The following OPRM1 variants were observed in gnomAD, a reference collection of about 807,000 sequenced individuals.
The protein encoded by OPRM1 is mu-type opioid receptor.
A neutral mutation model predicts 31.8 loss-of-function variants in OPRM1; 27 were observed. The ratio of observed to expected loss-of-function variants is 0.85; its 90% CI spans 0.63 to 1.17. The LOEUF (loss-of-function observed/expected upper bound fraction) is 1.17. Among genes scored for constraint, OPRM1 ranks in the 50% most tolerant of loss-of-function variants. The pLI, the probability that OPRM1 is intolerant of heterozygous loss-of-function variation, is 0.00. For synonymous variants in OPRM1, 196 were observed against 189.9 expected (o/e 1.03, Z -0.26); for missense variants, 536 against 511.1 (o/e 1.05, Z -0.47).
At chr6:154,239,462 TC>T (rs1780401924) in intron 3 of OPRM1, among the ~76,000 whole-genome samples, 2 of 152,192 alleles carry the variant, frequency 1.3e-5, no homozygotes, top group African/African-American at 2.4e-5. Context: ...AAGAAAGTCC[TC>T]AATCATTCTA....
chr6:154,107,857 A>G (rs1443393799), intron 3 of OPRM1: 2 of 699,666 alleles, frequency 2.9e-6, no homozygotes, highest in East Asian at 2.7e-5. Flanking sequence ...CAACACAGAA[A>G]AACGACCTCA....
chr6:154,091,566 A>C (rs774702812), intron 3 of OPRM1, 94 bp downstream of exon 3: 1 of 1,471,646 alleles, frequency 6.8e-7, no homozygotes, highest in Non-Finnish European at 8.9e-7. Flanking sequence ...ATTATAGAGG[A>C]TGAGAATGGA....
chr6:154,082,441 A>T (rs1789386193), intron 1 of OPRM1, among the ~76,000 whole-genome samples: 1 of 152,222 alleles, frequency 6.6e-6, no homozygotes, highest in African/African-American at 2.4e-5. Context: ...TTTTACTAGT[A>T]GTCTAAACTT....
chr6:154,107,803 G>A, intron 3 of OPRM1: 3 of 718,250 alleles, frequency 4.2e-6, no homozygotes, highest in Non-Finnish European at 7.8e-6. Context: ...TGAAAAGGGG[G>A]CTTACAGGTG....
intron 1 of OPRM1, among the ~76,000 whole-genome samples, chr6:154,072,459 T>C (rs1438915297): frequency 6.6e-6 from 1 of 152,220 alleles, no homozygotes; most frequent in Non-Finnish European, 1.5e-5. Context: ...TAGCACAAGA[T>C]TTGCTTTTAT....
chr6:154,100,246 G>T (rs1794596448), intron 3 of OPRM1, among the ~76,000 whole-genome samples: 7 of 146,692 alleles, frequency 4.8e-5, no homozygotes, highest in East Asian at 1.9e-4. Flanking sequence ...ATCATATTAT[G>T]ACATATATCA....
intron 3 of OPRM1, chr6:154,222,947 T>C: frequency 1.7e-6 from 1 of 572,314 alleles, no homozygotes. Context: ...ATGCCAAGAC[T>C]TCGTGGGGGT....
intron 3 of OPRM1, among the ~76,000 whole-genome samples, chr6:154,163,552 T>A (rs1285415504): frequency 6.6e-6 from 1 of 152,218 alleles, no homozygotes; most frequent in Non-Finnish European, 1.5e-5. Context: ...TACTAAAACA[T>A]AAGCTTCCGG....
chr6:154,185,672 G>C (rs1801276612), intron 3 of OPRM1, among the ~76,000 whole-genome samples: 1 of 151,952 alleles, frequency 6.6e-6, no homozygotes, highest in South Asian at 2.1e-4. Flanking sequence ...TTTTAATCCG[G>C]GGGTGTCCAA....
chr6:154,052,451 C>T (rs964812542), intron 1 of OPRM1, among the ~76,000 whole-genome samples: 2 of 152,232 alleles, frequency 1.3e-5, no homozygotes, highest in Non-Finnish European at 2.9e-5. Context: ...ATAGACAACA[C>T]ATAGATGAAT....
At chr6:154,167,034 A>AG (rs1799495776) in intron 3 of OPRM1, among the ~76,000 whole-genome samples, 1 of 152,214 alleles carries the variant, frequency 6.6e-6, no homozygotes. Flanking sequence ...GGGACGCCTA[A>AG]GAGCCACTCA....
intron 1 of OPRM1, among the ~76,000 whole-genome samples, chr6:154,042,657 A>AATGAGATTCTTAAACAGGGCT (rs1392546717): frequency 1.3e-5 from 2 of 152,156 alleles, no homozygotes; most frequent in Admixed American, 1.3e-4. Flanking sequence ...GTATAACTTA[A>AATGAGATTCTTAAACAGGGCT]ATGAGATTCT....
At chr6:154,239,183 G>T (rs1780379847) in intron 3 of OPRM1, among the ~76,000 whole-genome samples, 1 of 152,064 alleles carries the variant, frequency 6.6e-6, no homozygotes, top group African/African-American at 2.4e-5. Flanking sequence ...AGTTTGGAAA[G>T]AATTTAAAGG....
At chr6:154,195,903 T>C (rs1016706166) in intron 3 of OPRM1, among the ~76,000 whole-genome samples, 1 of 151,750 alleles carries the variant, frequency 6.6e-6, no homozygotes, top group African/African-American at 2.4e-5. Flanking sequence ...GCAATTCTCC[T>C]GCCTCAGCCT....
At chr6:154,026,706 C>A (rs1349512212) in intron 1 of OPRM1, among the ~76,000 whole-genome samples, 1 of 152,116 alleles carries the variant, frequency 6.6e-6, no homozygotes, top group Non-Finnish European at 1.5e-5. Context: ...CTAATTCTTT[C>A]TTCTGCTTCA....
rs1389116576 is a variant in OPRM1, at chr6:154,078,691, C to A, written c.291-11135C>A. Among the ~76,000 whole-genome samples the A allele has an allele frequency of 2.0e-5, 3 of 152,104 alleles. No homozygotes were observed. The East Asian group carries it at 5.8e-4, about 29-fold the overall frequency. On this transcript the variant is annotated intron_variant, in intron 1 of 3. Coordinates refer to ENST00000330432, the MANE Select transcript of OPRM1 (RefSeq NM_000914.5). ...TTTGAGACCAGCCTGGGCAACATGG[C>A]AAAACCCCATCTCTCATCTCTACAA...
At chr6:154,152,334 A>AGGAAAGAAG (rs1554285084) in intron 3 of OPRM1, among the ~76,000 whole-genome samples, 1 of 26,632 alleles carries the variant, frequency 3.8e-5, no homozygotes, top group Non-Finnish European at 7.5e-5. Flanking sequence ...AAAGAAAGAA[A>AGGAAAGAAG]GAAAGAAAGA....
chr6:154,229,098 C>G (rs1017254797), intron 3 of OPRM1, among the ~76,000 whole-genome samples: 1 of 152,184 alleles, frequency 6.6e-6, no homozygotes, highest in African/African-American at 2.4e-5. Flanking sequence ...GCCCCAGGGG[C>G]GGCCCTCCCT....
intron 3 of OPRM1, among the ~76,000 whole-genome samples, chr6:154,149,868 A>T (rs541672606): frequency 6.6e-6 from 1 of 152,222 alleles, no homozygotes; most frequent in East Asian, 1.9e-4. Context: ...GAATTCTGTT[A>T]TCCCCGTTGC....
Sources: allele counts gnomAD v4.1 joint callset (sites outside exome capture counted in the v4.1 genomes callset), GRCh38; gene constraint gnomAD v4.1.1; transcripts MANE v1.5; gene names NCBI Gene and HGNC (gene_info 2026-07-23, HGNC 2026-07-21).